The following SERBP1 variants were observed in gnomAD, a reference collection of about 807,000 sequenced individuals.
SERBP1 encodes the protein SERPINE1 mRNA binding protein 1.
A neutral mutation model predicts 50.2 loss-of-function variants in SERBP1; 6 were observed. That is an observed-to-expected ratio of 0.12 (90% CI 0.07 to 0.24). SERBP1 has a LOEUF of 0.24. Among genes scored for constraint, SERBP1 ranks in the 10% least tolerant of loss-of-function variants. The pLI is 1.00. For missense variants in SERBP1, 346 were observed against 524.9 expected (o/e 0.66, Z 3.33); for synonymous variants, 168 against 182.8 (o/e 0.92, Z 0.65).
chr1:67,427,166 C>T (rs567755401), intron 1 of SERBP1, among the ~76,000 whole-genome samples: 1 of 152,144 alleles, frequency 6.6e-6, no homozygotes, highest in Admixed American at 6.5e-5. Flanking sequence ...AATACACACA[C>T]GTTAAGACCG....
At chr1:67,428,916 T>C (rs978505916) in intron 1 of SERBP1, among the ~76,000 whole-genome samples, 1 of 152,196 alleles carries the variant, frequency 6.6e-6, no homozygotes, top group Non-Finnish European at 1.5e-5. Flanking sequence ...GCTTTAAAGA[T>C]TCAGACCTTA....
rs1357291655 is a variant in SERBP1, at chr1:67,409,380, G to C, written c.*3827C>G. ...GCCTAAAAACCATTCTTAACTCAGG[G>C]ACACGGACACACACACACACACACA... is the stretch of plus-strand genomic sequence containing the variant. On this transcript the variant is annotated 3_prime_UTR_variant, in exon 8 of 8. Coordinates refer to ENST00000361219, the MANE Select transcript of SERBP1 (RefSeq NM_001018069.2). 1.0e-5 allele frequency: 1 copy of C among 97,706 alleles called. No homozygotes were observed. The highest frequency in any genetic ancestry group is 3.9e-5 in the African/African-American group (1 of 25,712). 6.1% of individuals were successfully genotyped at this position (97,706 alleles called of 1,614,324 possible).
chr1:67,417,016 C>G (rs931466609), intron 6 of SERBP1, among the ~76,000 whole-genome samples: 1 of 152,118 alleles, frequency 6.6e-6, no homozygotes, highest in Admixed American at 6.5e-5. Flanking sequence ...AATCCCAGCA[C>G]TCTGGGAGGC....
chr1:67,415,814 C>G (rs572939968), intron 6 of SERBP1, among the ~76,000 whole-genome samples: 6 of 152,152 alleles, frequency 3.9e-5, no homozygotes, highest in Non-Finnish European at 7.4e-5. Flanking sequence ...CTACACTCTT[C>G]CAACTACAAC....
intron 5 of SERBP1, among the ~76,000 whole-genome samples, chr1:67,420,938 A>G (rs1667179539): frequency 6.6e-6 from 1 of 152,196 alleles, no homozygotes; most frequent in Admixed American, 6.6e-5. Context: ...CACAGGCCTA[A>G]GGATCCATTA....
chr1:67,415,064 C>A, intron 7 of SERBP1, 102 bp downstream of exon 7: 1 of 1,292,184 alleles, frequency 7.7e-7, no homozygotes. Context: ...GACACTGCTA[C>A]TACTTCTACT....
intron 7 of SERBP1, among the ~76,000 whole-genome samples, chr1:67,414,929 C>T (rs987208043): frequency 1.3e-5 from 2 of 152,146 alleles, no homozygotes; most frequent in Non-Finnish European, 2.9e-5. Flanking sequence ...ATGCCTAGCC[C>T]AGCACCATGA....
chr1:67,414,607 A>C (rs1666946255), intron 7 of SERBP1, among the ~76,000 whole-genome samples: 1 of 152,258 alleles, frequency 6.6e-6, no homozygotes, highest in Non-Finnish European at 1.5e-5. Flanking sequence ...TTTGTGCCAC[A>C]TACTGTTCAA....
intron 2 of SERBP1, 28 bp downstream of exon 2, chr1:67,426,107 C>A: frequency 6.3e-7 from 1 of 1,590,144 alleles, no homozygotes; most frequent in South Asian, 1.1e-5. Flanking sequence ...AGACCAAGAC[C>A]CTGGCTCAAA....
Position 67,419,882 on chromosome 1 carries a change from C to G in SERBP1, c.951+127G>C. The G allele has an allele frequency of 1.3e-5, 10 of 745,848 alleles. No homozygotes were observed. In the South Asian group the frequency reaches 1.9e-4, roughly 14 times the overall value. The allele number at this position is 745,848 out of a possible 1,614,324, so 46.2% of individuals were successfully genotyped here. ...TTATTTTCCTTATAAAGCAAATTAT[C>G]TGCCCCAAATGATCCTATGTAAAGC... On this transcript the variant is annotated intron_variant, in intron 6 of 7. Coordinates refer to ENST00000361219, the MANE Select transcript of SERBP1 (RefSeq NM_001018069.2).
Position 67,415,189 on chromosome 1 carries a change from T to C in SERBP1, c.1102A>G (p.Asn368Asp), listed in dbSNP as rs1456585207. The C allele has an allele frequency of 6.2e-7, 1 of 1,600,516 alleles. No homozygotes were observed. Among genetic ancestry groups the C allele is most frequent in the East Asian group, 2.2e-5 (1 of 44,606 alleles). Residue 368 changes from asparagine to aspartate, a missense_variant, in exon 7 of 8, where the codon AAC becomes GAC. Coordinates refer to ENST00000361219, the MANE Select transcript of SERBP1 (RefSeq NM_001018069.2). ...RGGRGRGGRP[N>D]RGSRTDKSSA... ...ACCTTGTCGGTCCTGCTGCCACGGT[T>C]TGGGCGCCCACCACGCCCACGTCCA...
chr1:67,421,030 AG>A (rs1381444249), intron 5 of SERBP1, among the ~76,000 whole-genome samples: 1 of 152,076 alleles, frequency 6.6e-6, no homozygotes, highest in Non-Finnish European at 1.5e-5. Context: ...CAAAGATAGC[AG>A]GTGATTCAGT....
chr1:67,426,394 G>A, intron 1 of SERBP1, 109 bp from the exon 2 acceptor site: 10 of 1,144,818 alleles, frequency 8.7e-6, no homozygotes, highest in South Asian at 2.2e-5. Context: ...ATTTCCTGTT[G>A]GAAAAAAGCA....
At chr1:67,426,601 T>C (rs1049675956) in intron 1 of SERBP1, among the ~76,000 whole-genome samples, 12 of 152,342 alleles carry the variant, frequency 7.9e-5, no homozygotes, top group African/African-American at 1.4e-4. Flanking sequence ...TGGAAATCAT[T>C]TGGGCAACCA....
chr1:67,415,272 A>G lies in SERBP1; in HGVS notation c.1019T>C (p.Leu340Pro). The G allele has an allele frequency of 6.2e-7, 1 of 1,612,410 alleles. No individual in the cohort carries two copies. The highest frequency in any genetic ancestry group is 8.5e-7 in the Non-Finnish European group (1 of 1,179,240). The part of the protein sequence containing the change: ...RKPANDITSQ[L>P]EINFGDLGRP... ...GCCAAGGTCTCCAAAATTGATCTCC[A>G]GCTGAGACGTTATATCATTTGCTGG... Residue 340 changes from leucine (L) to proline (P), a missense_variant, in exon 7 of 8, where the codon CTG becomes CCG. By Grantham distance (98) the Leu-to-Pro change is moderately conservative. Around this residue, in one of 5 missense-constraint regions of SERBP1, gnomAD observed 68 missense variants for 97.3 expected, o/e 0.70. Coordinates refer to ENST00000361219, the MANE Select transcript of SERBP1 (RefSeq NM_001018069.2).
At chr1:67,421,854 G>A (rs1313838494) in intron 5 of SERBP1, among the ~76,000 whole-genome samples, 1 of 152,158 alleles carries the variant, frequency 6.6e-6, no homozygotes, top group African/African-American at 2.4e-5. Flanking sequence ...TCGGGAGGCT[G>A]AGGCAGGAGA....
chr1:67,409,326 GGGTTTTTTTTTTTTTTAAT>G lies in SERBP1; in HGVS notation c.*3862_*3880del. 9.0e-6 allele frequency: 1 copy of G among 110,648 alleles called. No homozygotes were observed. Among genetic ancestry groups the G allele is most frequent in the African/African-American group, 2.7e-5 (1 of 37,118 alleles). The allele number at this position is 110,648 out of a possible 1,614,324, so 6.9% of individuals were successfully genotyped here. On this transcript the variant is annotated 3_prime_UTR_variant, in exon 8 of 8. Coordinates refer to ENST00000361219, the MANE Select transcript of SERBP1 (RefSeq NM_001018069.2). ...TGCTGGGCTGCCTACATTTTTCTGT[GGGTTTTTTTTTTTTTTAAT>G]CCTATACAAGCCTAAAAACCATTCT... is the stretch of plus-strand genomic sequence containing the variant.
intron 7 of SERBP1, among the ~76,000 whole-genome samples, chr1:67,413,833 GTCT>G (rs1666920350): frequency 6.6e-6 from 1 of 151,700 alleles, no homozygotes; most frequent in Admixed American, 6.6e-5. Flanking sequence ...TTTGGAGACA[GTCT>G]TACTCTGTTG....
intron 1 of SERBP1, among the ~76,000 whole-genome samples, chr1:67,428,119 C>T (rs564863738): frequency 2.0e-5 from 3 of 152,290 alleles, no homozygotes; most frequent in Non-Finnish European, 4.4e-5. Flanking sequence ...AATCTCAAAA[C>T]GGGTATTGTC....
Sources: gnomAD v4.1 joint callset for allele counts (sites outside exome capture counted in the v4.1 genomes callset) on GRCh38, gnomAD v4.1.1 for gene constraint, gnomAD v4.1.1 regional missense constraint, MANE v1.5 for transcripts, NCBI Gene and HGNC (gene_info 2026-07-23, HGNC 2026-07-21) for gene names.